PSG9: variants seen among roughly 807,000 people sequenced by gnomAD.
PSG9 encodes the protein pregnancy specific beta-1-glycoprotein 9.
In PSG9, 49 loss-of-function variants were observed where a neutral mutation model predicts 41.9. The ratio of observed to expected loss-of-function variants is 1.17; its 90% CI spans 0.93 to 1.48. PSG9 has a LOEUF of 1.48. Ranked by LOEUF, PSG9 falls within the 40% of genes most tolerant of loss-of-function variation. PSG9 has a pLI of 0.00. For synonymous variants in PSG9, 263 were observed against 196.8 expected, an observed-to-expected ratio of 1.34 and a Z score of -2.82; for missense variants, 641 against 520.3, an observed-to-expected ratio of 1.23 and a Z score of -2.26.
chr19:43,261,417 G>A (rs1395324916), intron 3 of PSG9, among the ~76,000 whole-genome samples: 3 of 152,138 alleles, frequency 2.0e-5, no homozygotes, highest in South Asian at 2.1e-4. Flanking sequence ...CCCCTGTATG[G>A]TAATAGATGT....
rs1160398015 is a variant in PSG9, at chr19:43,260,414, A to C, written c.710-1279T>G. 3 of 147,952 alleles carry C rather than the reference A, an allele frequency of 2.0e-5. No homozygotes were observed. In the East Asian group the frequency reaches 6.7e-4, roughly 33 times the overall value. The allele number at this position is 147,952 out of a possible 1,614,324, so 9.2% of individuals were successfully genotyped here. A position where few individuals can be genotyped will look rare whatever the true frequency, so the allele number is the denominator to read the frequency against. On this transcript the variant is annotated intron_variant, in intron 3 of 5. Transcript: ENST00000270077. ...CCAAATCTGAAAGATTCAAAATCTAAAATGCTTCAGTGAGCATTTCTTTTC... is the reference window on the plus strand; with the variant it reads ...CCAAATCTGAAAGATTCAAAATCTACAATGCTTCAGTGAGCATTTCTTTTC...
intron 5 of PSG9, among the ~76,000 whole-genome samples, chr19:43,254,466 A>T (rs927493799): frequency 1.4e-5 from 2 of 146,534 alleles, no homozygotes; most frequent in African/African-American, 5.2e-5. Context: ...TGCAATTTTC[A>T]GGTAAGGAAT....
chr19:43,253,992 T>C (rs1968358566), intron 5 of PSG9, among the ~76,000 whole-genome samples: 1 of 145,986 alleles, frequency 6.8e-6, no homozygotes, highest in African/African-American at 2.6e-5. Flanking sequence ...CTTGGATGCA[T>C]CTCAGTTGGT....
At chr19:43,263,188 G>A (rs1968807638) in intron 2 of PSG9, among the ~76,000 whole-genome samples, 1 of 152,116 alleles carries the variant, frequency 6.6e-6, no homozygotes, top group East Asian at 1.9e-4. Flanking sequence ...CAGGAGCTGG[G>A]ATCAGGGGAA....
At chr19:43,256,278 G>C (rs1166149538) in intron 5 of PSG9, among the ~76,000 whole-genome samples, 1 of 146,736 alleles carries the variant, frequency 6.8e-6, no homozygotes, top group Non-Finnish European at 1.5e-5. Context: ...CATGATACTG[G>C]ATTTCCCAAT....
intron 2 of PSG9, among the ~76,000 whole-genome samples, chr19:43,266,357 A>AG (rs568608241): frequency 1.3e-5 from 2 of 151,620 alleles, no homozygotes; most frequent in Non-Finnish European, 2.9e-5. Context: ...TCTGCATGCA[A>AG]ATTCAGTCTC....
chr19:43,254,955 G>T (rs1229433638), intron 5 of PSG9, among the ~76,000 whole-genome samples: 4 of 144,188 alleles, frequency 2.8e-5, no homozygotes, highest in African/African-American at 8.0e-5. Context: ...GCTGGGCATG[G>T]TGACATGCAC....
In PSG9 at chr19:43,259,027, C is replaced by T. The variant is rs1221511963; in HGVS notation, c.818G>A (p.Trp273Ter). Residue 273 changes from tryptophan to a stop codon, truncating the protein, a stop_gained, in exon 4 of 6, where the codon TGG (tryptophan) becomes TAG (stop). Transcript: ENST00000270077. LOFTEE classifies it high-confidence loss of function. ...EPKSENYTYI[W>*]WLNGQSLPVS... ...GGGGAGGCTCTGACCGTTTAGCCAC[C>T]AAATGTAGGTGTAGTTCTCACTCTT... is the stretch of plus-strand genomic sequence containing the variant. 1 of 1,590,594 alleles carries T rather than the reference C, an allele frequency of 6.3e-7. No individual in the cohort carries two copies.
chr19:43,258,796 G>A, intron 4 of PSG9, 61 bp downstream of exon 4: 1 of 1,566,450 alleles, frequency 6.4e-7, no homozygotes, highest in Admixed American at 1.7e-5. Context: ...GAGAGGCCTG[G>A]CATCTGGTCG....
Position 43,267,971 on chromosome 19 carries a change from C to G in PSG9, c.243G>C (p.Ser81=). 1 of 1,613,554 alleles carries G rather than the reference C, an allele frequency of 6.2e-7. No individual in the cohort carries two copies. Among genetic ancestry groups the G allele is most frequent in the Non-Finnish European group, 8.5e-7 (1 of 1,179,668 alleles). ...TAATTATTTTACCATCAACTATATA[C>G]GATATAATGTAATGGTAGAGGTCCG... is the stretch of plus-strand genomic sequence containing the variant. The part of the protein sequence containing the change: ...EMTDLYHYII[S]YIVDGKIIIY... The change falls in exon 2 of 6, where the codon TCG becomes TCC. Residue 81 remains serine, a synonymous_variant. Coordinates refer to ENST00000270077, the MANE Select transcript of PSG9 (RefSeq NM_002784.5).
At chr19:43,263,132 C>A (rs779207202) in intron 2 of PSG9, among the ~76,000 whole-genome samples, 1 of 152,092 alleles carries the variant, frequency 6.6e-6, no homozygotes, top group Non-Finnish European at 1.5e-5. Flanking sequence ...TATGTACCTC[C>A]TATCAGTGGA....
chr19:43,258,918 T>C lies in PSG9; in HGVS notation c.927A>G (p.Gln309=), dbSNP rs75465198. ...CACCATATCGGTCCCGTATTTCACATTGATAGGGTCCTGTTTCATTTCTCG... is the reference window on the plus strand; with the variant it reads ...CACCATATCGGTCCCGTATTTCACACTGATAGGGTCCTGTTTCATTTCTCG... The part of the protein sequence containing the change: ...SVTRNETGPY[Q]CEIRDRYGGL... Residue 309 remains glutamine, a synonymous_variant, in exon 4 of 6, where the codon CAA becomes CAG. Coordinates refer to ENST00000270077, the MANE Select transcript of PSG9 (RefSeq NM_002784.5). 5.7e-4 allele frequency: 913 copies of C among 1,589,072 alleles called. 122 individuals are homozygous for C. The African/African-American group carries it at 0.011, about 18-fold the overall frequency.
At position 43,258,563 on chromosome 19, in the gene PSG9, G is replaced by C; in HGVS notation, c.989-107C>G. 4.2e-6 allele frequency: 6 copies of C among 1,428,104 alleles called. No homozygotes were observed. The South Asian group carries it at 7.8e-5, about 19-fold the overall frequency. 88.5% of individuals were successfully genotyped at this position (1,428,104 alleles called of 1,614,324 possible). On this transcript the variant is annotated intron_variant, in intron 4 of 5. Coordinates refer to ENST00000270077, the MANE Select transcript of PSG9 (RefSeq NM_002784.5). ...CCTCTGAGCCAAGACACACCCTCAA[G>C]TCCCAGCCAAAGTCCCTCTATGTTC... is the stretch of plus-strand genomic sequence containing the variant.
intron 1 of PSG9, among the ~76,000 whole-genome samples, chr19:43,268,974 C>T (rs528237899): frequency 6.6e-6 from 1 of 152,172 alleles, no homozygotes; most frequent in African/African-American, 2.4e-5. Context: ...TGTATTTTCC[C>T]CTATCCAGGC....
In PSG9 at chr19:43,259,653, G is replaced by C. The variant is rs540857701; in HGVS notation, c.710-518C>G. ...TGGCCTGGGACTGGATGTTTCAGCA[G>C]AAATAACACAGAGGAGACCAGAGTC... On this transcript the variant is annotated intron_variant, in intron 3 of 5. Transcript: ENST00000270077. 26 of 158,746 alleles carry C rather than the reference G, an allele frequency of 1.6e-4. 5 individuals carry two copies. In the East Asian group the frequency reaches 2.5e-3, roughly 15 times the overall value. The allele number at this position is 158,746 out of a possible 1,614,324, so 9.8% of individuals were successfully genotyped here.
intron 2 of PSG9, among the ~76,000 whole-genome samples, chr19:43,265,866 C>A (rs1437755939): frequency 6.6e-6 from 1 of 152,164 alleles, no homozygotes; most frequent in South Asian, 2.1e-4. Flanking sequence ...TCTTAGTGAC[C>A]TGGGGACATT....
At chr19:43,258,111 C>G in intron 5 of PSG9, 91 bp downstream of exon 5, 1 of 1,590,198 alleles carries the variant, frequency 6.3e-7, no homozygotes, top group Non-Finnish European at 8.5e-7. Context: ...GGGACACAGG[C>G]TGGGAATAAA....
rs201101690 is a variant in PSG9 at position 43,258,363 on chromosome 19, G to A, written c.1082C>T (p.Pro361Leu). The part of the protein sequence containing the change: ...DLSCFTESNP[P>L]AEYFWTINGK... ...ATTAATTGTCCAAAAATACTCTGCC[G>A]GTGGGTTAGATTCCGTGAAGCAGGA... Residue 361 changes from proline to leucine, a missense_variant, in exon 5 of 6, where the codon CCG becomes CTG. Physicochemically the swap from Pro to Leu is moderately conservative, Grantham distance 98 (BLOSUM62 -3). Coordinates refer to ENST00000270077, the MANE Select transcript of PSG9 (RefSeq NM_002784.5). 235 of 1,592,922 alleles carry A rather than the reference G, an allele frequency of 1.5e-4. 23 individuals are homozygous for A. In the Admixed American group the frequency reaches 3.5e-3, roughly 24 times the overall value.
In PSG9 at chr19:43,262,657, AAC is replaced by A. The variant is rs1471822850; in HGVS notation, c.431-521_431-520del. Among the ~76,000 whole-genome samples the A allele has an allele frequency of 4.6e-5, 7 of 152,276 alleles. No homozygotes were observed. In the East Asian group the frequency reaches 1.4e-3, roughly 29 times the overall value. On this transcript the variant is annotated intron_variant, in intron 2 of 5. Coordinates refer to ENST00000270077, the MANE Select transcript of PSG9 (RefSeq NM_002784.5). Reference sequence around the variant, plus strand: ...TGGGACTGGGTACTTCAGCAGAAATAACACAGGGGAGACCAGAGTCAAGCCGG... The same window carrying A: ...TGGGACTGGGTACTTCAGCAGAAATAACAGGGGAGACCAGAGTCAAGCCGG...
Sources: gnomAD v4.1 joint callset for allele counts (sites outside exome capture counted in the v4.1 genomes callset) on GRCh38, gnomAD v4.1.1 for gene constraint, MANE v1.5 for transcripts, NCBI Gene and HGNC (gene_info 2026-07-23, HGNC 2026-07-21) for gene names.